Variants in TANGO6 observed in about 807,000 individuals in gnomAD.
TANGO6 encodes the protein transport and Golgi organization protein 6 homolog.
A neutral mutation model predicts 114.2 loss-of-function variants in TANGO6; 90 were observed. The ratio of observed to expected loss-of-function variants is 0.79; its 90% CI spans 0.66 to 0.94. The LOEUF (loss-of-function observed/expected upper bound fraction) is 0.94. TANGO6 is among the 40% of genes least tolerant of loss of function. The probability of loss-of-function intolerance (pLI) is 0.00; values close to 1 mark genes in which losing one functional copy is unlikely to be tolerated. For missense variants in TANGO6, 1,274 were observed against 1,315.3 expected (o/e 0.97, Z 0.49); for synonymous variants, 477 against 509.8 (o/e 0.94, Z 0.87).
intron 15 of TANGO6, among the ~76,000 whole-genome samples, chr16:69,005,658 G>A (rs1964085755): frequency 6.6e-6 from 1 of 151,936 alleles, no homozygotes; most frequent in South Asian, 2.1e-4. Flanking sequence ...AAATTAGCCA[G>A]GCACCTGTAA....
chr16:69,008,406 G>C (rs1051204977), intron 15 of TANGO6, among the ~76,000 whole-genome samples: 1 of 152,076 alleles, frequency 6.6e-6, no homozygotes, highest in Non-Finnish European at 1.5e-5. Flanking sequence ...CTGTTTTCTT[G>C]TTTTTTGTAC....
chr16:68,999,265 T>C (rs1053893068), intron 15 of TANGO6, among the ~76,000 whole-genome samples: 5 of 152,162 alleles, frequency 3.3e-5, no homozygotes, highest in African/African-American at 1.2e-4. Context: ...TAAATTCCTC[T>C]TTTCTTGAGA....
intron 17 of TANGO6, among the ~76,000 whole-genome samples, chr16:69,068,755 C>T (rs1299408163): frequency 6.6e-6 from 1 of 152,132 alleles, no homozygotes; most frequent in Non-Finnish European, 1.5e-5. Context: ...CTCTTGTCGC[C>T]CAGGCTGGAG....
At chr16:68,882,372 C>T (rs1404868173) in intron 7 of TANGO6, among the ~76,000 whole-genome samples, 2 of 151,968 alleles carry the variant, frequency 1.3e-5, no homozygotes, top group Admixed American at 6.6e-5. Context: ...TGGCAGGCAC[C>T]TGTAGTCCCA....
At chr16:68,959,431 A>G (rs1963567125) in intron 14 of TANGO6, among the ~76,000 whole-genome samples, 2 of 152,092 alleles carry the variant, frequency 1.3e-5, no homozygotes, top group South Asian at 4.2e-4. Flanking sequence ...TACTAAAAAT[A>G]TAAAAGTTAG....
At chr16:68,910,406 G>A (rs1421685379) in intron 11 of TANGO6, among the ~76,000 whole-genome samples, 1 of 152,032 alleles carries the variant, frequency 6.6e-6, no homozygotes, top group African/African-American at 2.4e-5. Flanking sequence ...CCATTCTCTG[G>A]ACACTTCTTC....
intron 15 of TANGO6, among the ~76,000 whole-genome samples, chr16:69,010,579 C>T (rs1028765230): frequency 2.6e-5 from 4 of 152,100 alleles, no homozygotes; most frequent in African/African-American, 9.7e-5. Context: ...GTCACAGCTC[C>T]GTCTACCTGA....
At chr16:68,880,012 G>T (rs575651762) in intron 6 of TANGO6, among the ~76,000 whole-genome samples, 1 of 148,706 alleles carries the variant, frequency 6.7e-6, no homozygotes, top group East Asian at 2.0e-4. Flanking sequence ...TCACTCTGTT[G>T]CCCATGCTTG....
At chr16:68,995,839 A>T (rs1963985041) in intron 15 of TANGO6, among the ~76,000 whole-genome samples, 1 of 152,204 alleles carries the variant, frequency 6.6e-6, no homozygotes, top group Non-Finnish European at 1.5e-5. Flanking sequence ...GCTGCATTTT[A>T]GTCCTTTGTT....
chr16:68,952,308 A>G (rs1209075962), intron 14 of TANGO6, among the ~76,000 whole-genome samples: 1 of 152,188 alleles, frequency 6.6e-6, no homozygotes, highest in Non-Finnish European at 1.5e-5. Context: ...CCCCTTAAAT[A>G]CAGCATCCCA....
chr16:68,901,324 T>C (rs1962781407), intron 8 of TANGO6, among the ~76,000 whole-genome samples: 1 of 152,170 alleles, frequency 6.6e-6, no homozygotes, highest in South Asian at 2.1e-4. Flanking sequence ...GAAAACACCA[T>C]CTTTTGTACT....
chr16:68,896,209 G>T (rs1253949363), intron 7 of TANGO6, among the ~76,000 whole-genome samples: 1 of 152,154 alleles, frequency 6.6e-6, no homozygotes, highest in Non-Finnish European at 1.5e-5. Context: ...GTTTCGTCAT[G>T]TTGGCCAGGC....
At chr16:69,030,138 A>AAGAAC (rs1194669497) in intron 16 of TANGO6, among the ~76,000 whole-genome samples, 2 of 151,182 alleles carry the variant, frequency 1.3e-5, no homozygotes, top group Non-Finnish European at 2.9e-5. Flanking sequence ...GGGAAATAAG[A>AAGAAC]AGAACAGAGT....
At chr16:68,890,431 A>G (rs879409220) in intron 7 of TANGO6, among the ~76,000 whole-genome samples, 5 of 152,232 alleles carry the variant, frequency 3.3e-5, no homozygotes, top group Non-Finnish European at 5.9e-5. Context: ...ATCCATGTTC[A>G]CTCATTTAAC....
chr16:69,075,728 A>C (rs901323720), intron 17 of TANGO6, among the ~76,000 whole-genome samples: 4 of 151,464 alleles, frequency 2.6e-5, no homozygotes, highest in African/African-American at 9.7e-5. Flanking sequence ...TGCCGGGATT[A>C]CAGGCATAAG....
intron 16 of TANGO6, chr16:69,025,873 G>A: frequency 4.2e-6 from 1 of 238,012 alleles, no homozygotes; most frequent in Non-Finnish European, 9.3e-6. Context: ...CTTTCTAGTG[G>A]AACCAAAGCC....
At chr16:68,976,963 A>T (rs1362438157) in intron 15 of TANGO6, among the ~76,000 whole-genome samples, 11 of 152,230 alleles carry the variant, frequency 7.2e-5, no homozygotes, top group Admixed American at 7.2e-4. Flanking sequence ...GCAGAAAAAG[A>T]AGATATAATC....
Position 68,909,380 on chromosome 16 carries a change from A to C in TANGO6, c.1970A>C (p.Gln657Pro), listed in dbSNP as rs1346919835. The C allele has an allele frequency of 6.5e-7, 1 of 1,549,596 alleles. No individual in the cohort carries two copies. The highest frequency in any genetic ancestry group is 1.4e-5 in the African/African-American group (1 of 72,390). Residue 657 changes from glutamine (Q) to proline (P), a missense_variant, in exon 11 of 18, where the codon CAG becomes CCG. By Grantham distance (76) the Gln-to-Pro change is moderately conservative. Transcript: ENST00000261778. ...GTTCTGTGCGAGAGAATGTCTGAGC[A>C]GATATTCACAAACGTCACTCAGGTC... ...MAVLCERMSEQIFTNVTQVVD... is the reference protein window; with the variant it reads ...MAVLCERMSEPIFTNVTQVVD...
At chr16:68,926,890 T>G (rs1963174061) in intron 12 of TANGO6, 2 of 152,276 alleles carry the variant, frequency 1.3e-5, no homozygotes, top group Non-Finnish European at 2.9e-5. Flanking sequence ...TGGCAGTGGG[T>G]GAGGGGGGTG....
Sources: gnomAD v4.1 joint callset for allele counts (sites outside exome capture counted in the v4.1 genomes callset) on GRCh38, gnomAD v4.1.1 for gene constraint, MANE v1.5 for transcripts, NCBI Gene and HGNC (gene_info 2026-07-23, HGNC 2026-07-21) for gene names.